The following CMTM4 variants were observed in gnomAD, a reference collection of about 807,000 sequenced individuals.
The protein encoded by CMTM4 is CKLF like MARVEL transmembrane domain containing 4, also known as CKLF-like MARVEL transmembrane domain-containing protein 4.
CMTM4 carries 8 observed loss-of-function variants against 19.0 expected under a neutral mutation model. That is an observed-to-expected ratio of 0.42 (90% CI 0.25 to 0.76). The LOEUF is 0.76. Ranked by LOEUF, CMTM4 falls within the 30% of genes least tolerant of loss-of-function variation. CMTM4 has a pLI of 0.27. For synonymous variants in CMTM4, 106 were observed against 121.1 expected (o/e 0.88, Z 0.82); for missense variants, 228 against 290.2 (o/e 0.79, Z 1.56).
rs1178529675 is a variant in CMTM4, at chr16:66,652,086, A to T, written c.187-15505T>A. Among the ~76,000 whole-genome samples the T allele has an allele frequency of 2.6e-5, 4 of 152,234 alleles. No homozygotes were observed. In the South Asian group the frequency reaches 8.3e-4, roughly 31 times the overall value. On this transcript the variant is annotated intron_variant, in intron 1 of 3. Transcript: ENST00000394106. ...GGAGCTAAAGCCACCTGGGCTGGCC[A>T]GCAGGACTAATTAGTCAACAGTGAT...
At chr16:66,651,910 T>G (rs930136040) in intron 1 of CMTM4, among the ~76,000 whole-genome samples, 2 of 152,224 alleles carry the variant, frequency 1.3e-5, no homozygotes, top group Non-Finnish European at 2.9e-5. Context: ...AGGAGCTAAT[T>G]GCAAGTGTAA....
At chr16:66,664,593 T>C (rs1474487412) in intron 1 of CMTM4, among the ~76,000 whole-genome samples, 1 of 151,960 alleles carries the variant, frequency 6.6e-6, no homozygotes, top group Non-Finnish European at 1.5e-5. Context: ...ATAAGTAAAG[T>C]GTACAATATT....
intron 1 of CMTM4, among the ~76,000 whole-genome samples, chr16:66,680,253 T>C (rs967524342): frequency 3.3e-5 from 5 of 150,718 alleles, no homozygotes; most frequent in African/African-American, 7.3e-5. Flanking sequence ...CCAAGGCGTA[T>C]GGATCACTTG....
chr16:66,696,261 G>A lies in CMTM4; in HGVS notation c.186+79C>T, dbSNP rs2144939671. On this transcript the variant is annotated intron_variant, in intron 1 of 3. Coordinates refer to ENST00000394106, the MANE Select transcript of CMTM4 (RefSeq NM_181521.3). The surrounding 1 kb of genome is among the most constrained non-coding windows in gnomAD (Gnocchi z 4.3). ...CGGCCTGGGCAAGCGGGTACGCGGC[G>A]GAGGCCCCGCAGCGGGGCGGGGAGG... 3.8e-6 allele frequency: 4 copies of A among 1,057,492 alleles called. No individual in the cohort carries two copies. Among genetic ancestry groups the A allele is most frequent in the Middle Eastern group, 3.5e-4 (1 of 2,820 alleles). The allele number at this position is 1,057,492 out of a possible 1,614,324, so 65.5% of individuals were successfully genotyped here. A position where few individuals can be genotyped will look rare whatever the true frequency, so the allele number is the denominator to read the frequency against.
intron 1 of CMTM4, among the ~76,000 whole-genome samples, chr16:66,643,224 G>A (rs1056598272): frequency 1.3e-5 from 2 of 152,194 alleles, no homozygotes; most frequent in Non-Finnish European, 2.9e-5. Flanking sequence ...CCCAGCCACA[G>A]TGGGCATTTT....
chr16:66,684,397 A>C (rs2016996512), intron 1 of CMTM4, among the ~76,000 whole-genome samples: 1 of 151,972 alleles, frequency 6.6e-6, no homozygotes, highest in African/African-American at 2.4e-5. Context: ...GGCTGGTCTC[A>C]AACTCCTGAC....
chr16:66,660,742 A>G (rs1193070599), intron 1 of CMTM4, among the ~76,000 whole-genome samples: 1 of 152,210 alleles, frequency 6.6e-6, no homozygotes, highest in Non-Finnish European at 1.5e-5. Context: ...AAATAACTGC[A>G]AGCTGCTCTG....
intron 1 of CMTM4, among the ~76,000 whole-genome samples, chr16:66,638,617 G>A (rs548543036): frequency 7.2e-5 from 11 of 152,300 alleles, no homozygotes; most frequent in African/African-American, 2.6e-4. Flanking sequence ...CCAGCACTTT[G>A]GGAGGCTGAG....
the CMTM4 span, among the ~76,000 whole-genome samples, chr16:66,607,765 G>A: frequency 2.6e-5 from 4 of 152,118 alleles, no homozygotes; most frequent in Non-Finnish European, 5.9e-5. Context: ...GCTGGGGTGG[G>A]GTAAGGTGAG....
At chr16:66,641,281 G>A (rs998837711) in intron 1 of CMTM4, among the ~76,000 whole-genome samples, 8 of 152,080 alleles carry the variant, frequency 5.3e-5, no homozygotes, top group East Asian at 1.9e-4. Context: ...AGATCCTCCC[G>A]CCTCAGCCTC....
At chr16:66,629,169 G>C (rs988835740) in intron 2 of CMTM4, among the ~76,000 whole-genome samples, 4 of 152,164 alleles carry the variant, frequency 2.6e-5, no homozygotes, top group African/African-American at 9.7e-5. Context: ...TGAAATATTT[G>C]TACACAGAAT....
intron 1 of CMTM4, among the ~76,000 whole-genome samples, chr16:66,646,986 C>T (rs1011861474): frequency 6.6e-6 from 1 of 151,340 alleles, no homozygotes; most frequent in Non-Finnish European, 1.5e-5. Context: ...GGATTACAGG[C>T]GTGACCCACC....
chr16:66,683,194 C>CATACAT (rs2016968144), intron 1 of CMTM4, among the ~76,000 whole-genome samples: 1 of 107,720 alleles, frequency 9.3e-6, no homozygotes, highest in Non-Finnish European at 1.8e-5. Flanking sequence ...TATATATATA[C>CATACAT]ATATATATAT....
intron 1 of CMTM4, among the ~76,000 whole-genome samples, chr16:66,665,403 A>T (rs985884575): frequency 3.9e-5 from 6 of 152,088 alleles, no homozygotes; most frequent in African/African-American, 1.4e-4. Flanking sequence ...TAGACATGAC[A>T]CCAGAAGCAT....
intron 1 of CMTM4, among the ~76,000 whole-genome samples, chr16:66,672,302 G>A (rs2016722747): frequency 1.3e-5 from 2 of 150,806 alleles, no homozygotes; most frequent in Non-Finnish European, 3.0e-5. Context: ...CTTCTCAGTA[G>A]GCTGAAGCAG....
chr16:66,647,819 C>T lies in CMTM4; in HGVS notation c.187-11238G>A, dbSNP rs118126440. Among the ~76,000 whole-genome samples, 1,559 of 152,192 alleles carry T rather than the reference C, an allele frequency of 0.01. 78 individuals are homozygous for T. In the East Asian group the frequency reaches 0.16, roughly 15 times the overall value. ...CCGAGTAGCTGGGATTACAGGTGCA[C>T]GCCACCACACCCAGCTTTGCTGTTC... On this transcript the variant is annotated intron_variant, in intron 1 of 3. Coordinates refer to ENST00000394106, the MANE Select transcript of CMTM4 (RefSeq NM_181521.3).
chr16:66,680,427 C>T (rs1472083652), intron 1 of CMTM4, among the ~76,000 whole-genome samples: 1 of 146,950 alleles, frequency 6.8e-6, no homozygotes, highest in African/African-American at 2.5e-5. Context: ...TGCAGTGAGC[C>T]GAGATCACAC....
chr16:66,648,375 G>A (rs1444553668), intron 1 of CMTM4, among the ~76,000 whole-genome samples: 1 of 152,266 alleles, frequency 6.6e-6, no homozygotes, highest in African/African-American at 2.4e-5. Flanking sequence ...CTGGATCTGA[G>A]TTTTTCCTCA....
intron 1 of CMTM4, among the ~76,000 whole-genome samples, chr16:66,683,161 GTATATATATATATACATA>G (rs1491447885): frequency 3.7e-5 from 3 of 81,498 alleles, no homozygotes; most frequent in Admixed American, 1.7e-4. Context: ...ATATATATAC[GTATATATATATATACATA>G]TGTATATATA....
Sources: allele counts gnomAD v4.1 joint callset (sites outside exome capture counted in the v4.1 genomes callset), GRCh38; gene constraint gnomAD v4.1.1; non-coding constraint Gnocchi (gnomAD v3.1); transcripts MANE v1.5; gene names NCBI Gene and HGNC (gene_info 2026-07-23, HGNC 2026-07-21).